Variants in DYNC2H1 observed in about 807,000 individuals in gnomAD.
The protein encoded by DYNC2H1 is cytoplasmic dynein 2 heavy chain 1.
DYNC2H1 carries 410 observed loss-of-function variants against 570.0 expected under a neutral mutation model. That is an observed-to-expected ratio of 0.72 (90% confidence interval 0.66 to 0.78). The LOEUF is 0.78. DYNC2H1 is among the 30% of genes least tolerant of loss of function. The pLI is 0.00. For missense variants in DYNC2H1, 4,865 were observed against 5,046.4 expected (o/e 0.96, Z 1.09); for synonymous variants, 1,688 against 1,677.6 (o/e 1.01, Z -0.15).
intron 84 of DYNC2H1, among the ~76,000 whole-genome samples, chr11:103,421,879 T>G (rs1808556055): frequency 1.4e-5 from 2 of 146,638 alleles, no homozygotes; most frequent in East Asian, 4.0e-4. Context: ...TTAAAAAGCC[T>G]TTAGAAAAAA....
intron 34 of DYNC2H1, among the ~76,000 whole-genome samples, chr11:103,171,994 CT>C (rs1420354513): frequency 1.3e-5 from 2 of 152,066 alleles, no homozygotes; most frequent in Non-Finnish European, 2.9e-5. Context: ...AAAACGTAAA[CT>C]TTTTTATATA....
chr11:103,234,254 T>C, intron 61 of DYNC2H1, 94 bp downstream of exon 61: 1 of 1,391,158 alleles, frequency 7.2e-7, no homozygotes, highest in Non-Finnish European at 9.6e-7. Context: ...GAAAGATCCA[T>C]TAATTTGCAC....
At chr11:103,429,260 CAAAAAAA>C (rs35977617) in intron 84 of DYNC2H1, among the ~76,000 whole-genome samples, 2 of 148,010 alleles carry the variant, frequency 1.4e-5, no homozygotes, top group African/African-American at 2.4e-5. Flanking sequence ...GACCCTGTCT[CAAAAAAA>C]AAACAAAAAC....
chr11:103,202,294 ATT>A (rs10635156), intron 50 of DYNC2H1, among the ~76,000 whole-genome samples: 2 of 132,716 alleles, frequency 1.5e-5, no homozygotes, highest in African/African-American at 2.7e-5. Context: ...AGAAACACAG[ATT>A]TTTTTTTTTT....
Position 103,129,135 on chromosome 11 carries a change from T to C in DYNC2H1, c.1953+130T>C, listed in dbSNP as rs1859140973. 1 of 671,252 alleles carries C rather than the reference T, an allele frequency of 1.5e-6. No individual in the cohort carries two copies. Among genetic ancestry groups the C allele is most frequent in the African/African-American group, 1.9e-5 (1 of 53,540 alleles). The allele number at this position is 671,252 out of a possible 1,614,324, so 41.6% of individuals were successfully genotyped here. A position where few individuals can be genotyped will look rare whatever the true frequency, so the allele number is the denominator to read the frequency against. ...TTTGTTTTGCTTCCAGGGACTTCCT[T>C]CAATCTTAGCAAGTAAAATTATTTT... is the stretch of plus-strand genomic sequence containing the variant. On this transcript the variant is annotated intron_variant, in intron 13 of 88. Coordinates refer to ENST00000375735, the MANE Select transcript of DYNC2H1 (RefSeq NM_001377.3). The surrounding 1 kb of genome is among the most constrained non-coding windows in gnomAD (Gnocchi z 4.1).
intron 82 of DYNC2H1, among the ~76,000 whole-genome samples, chr11:103,327,005 A>C (rs1285986570): frequency 6.6e-6 from 1 of 152,172 alleles, no homozygotes; most frequent in East Asian, 1.9e-4. Flanking sequence ...CTGAGCTAGG[A>C]TTCCATAGGT....
Position 103,125,212 on chromosome 11 carries a change from C to G in DYNC2H1, c.1774C>G (p.Leu592Val). The G allele has an allele frequency of 6.2e-7, 1 of 1,613,478 alleles. No homozygotes were observed. The highest frequency in any genetic ancestry group is 8.5e-7 in the Non-Finnish European group (1 of 1,179,696). The change falls in exon 12 of 89, where the codon CTT becomes GTT. Residue 592 changes from leucine to valine, a missense_variant. Around this residue, in one of 5 missense-constraint regions of DYNC2H1, gnomAD observed 1,936 missense variants for 1,962.1 expected, o/e 0.99. Transcript: ENST00000375735. Reference sequence around the variant, plus strand: ...GAGAGAAGTTCGTCAGCTCTCTGCACTTGGCTTTGTTATTCCTGCCAAAAT... The same window carrying G: ...GAGAGAAGTTCGTCAGCTCTCTGCAGTTGGCTTTGTTATTCCTGCCAAAAT... ...LLREVRQLSA[L>V]GFVIPAKIQQ... is the part of the protein sequence containing the mutation.
At chr11:103,265,138 A>T (rs375443777) in intron 70 of DYNC2H1, among the ~76,000 whole-genome samples, 6 of 152,154 alleles carry the variant, frequency 3.9e-5, no homozygotes, top group South Asian at 2.1e-4. Context: ...ACATGTTCTC[A>T]CACGTAGGTA....
intron 29 of DYNC2H1, among the ~76,000 whole-genome samples, chr11:103,161,334 T>C (rs929327745): frequency 1.2e-4 from 19 of 152,126 alleles, no homozygotes; most frequent in African/African-American, 4.3e-4. Flanking sequence ...AATAGCTATG[T>C]GACTTACAGT....
At chr11:103,215,627 C>G in intron 54 of DYNC2H1, 94 bp from the exon 55 acceptor site, 4 of 1,275,672 alleles carry the variant, frequency 3.1e-6, no homozygotes, top group Non-Finnish European at 2.1e-6. Flanking sequence ...ACACACTTAA[C>G]ATGTTTGCTT....
At chr11:103,211,610 G>T (rs1395514961) in intron 53 of DYNC2H1, among the ~76,000 whole-genome samples, 179 bp from the exon 54 acceptor site, 10 of 151,976 alleles carry the variant, frequency 6.6e-5, no homozygotes, top group Non-Finnish European at 1.3e-4. Context: ...AAGGAAGATG[G>T]GAGCTGTGAA....
chr11:103,152,498 T>C (rs988152540), intron 21 of DYNC2H1, among the ~76,000 whole-genome samples: 5 of 152,178 alleles, frequency 3.3e-5, no homozygotes, highest in Non-Finnish European at 5.9e-5. Context: ...GAAACCAATG[T>C]CTTTGAAATG....
Position 103,395,492 on chromosome 11 carries a change from T to C in DYNC2H1, c.12157-4171T>C, listed in dbSNP as rs1372949553. On this transcript the variant is annotated intron_variant, in intron 83 of 88. Transcript: ENST00000375735. The surrounding 1 kb of genome is among the most constrained non-coding windows in gnomAD (Gnocchi z 4.3). ...TATCATATATATATTTATGTATATG[T>C]ACACACACACACACACACACACACT... 6.7e-6 allele frequency among the ~76,000 whole-genome samples: 1 copy of C among 149,846 alleles called. No individual in the cohort carries two copies. Among genetic ancestry groups the C allele is most frequent in the African/African-American group, 2.5e-5 (1 of 40,704 alleles).
At chr11:103,122,655 C>G (rs1224065575) in intron 10 of DYNC2H1, among the ~76,000 whole-genome samples, 170 bp from the exon 11 acceptor site, 1 of 152,192 alleles carries the variant, frequency 6.6e-6, no homozygotes, top group African/African-American at 2.4e-5. Context: ...AATTCAGAAG[C>G]AAAGTAGGGG....
chr11:103,192,372 A>T (rs965340329), intron 47 of DYNC2H1, 108 bp downstream of exon 47: 2 of 795,154 alleles, frequency 2.5e-6, no homozygotes, highest in Non-Finnish European at 3.5e-6. Flanking sequence ...AACTTTGAAT[A>T]ATTTTAATAT....
At position 103,479,426 on chromosome 11, in the gene DYNC2H1, AAAGT is replaced by A. The variant is rs1345796760; in HGVS notation, c.*176_*179del. 1.8e-6 allele frequency: 1 copy of A among 560,374 alleles called. No homozygotes were observed. The highest frequency in any genetic ancestry group is 3.2e-5 in the East Asian group (1 of 30,850). 34.7% of individuals were successfully genotyped at this position (560,374 alleles called of 1,614,324 possible). On this transcript the variant is annotated 3_prime_UTR_variant, in exon 89 of 89. Transcript: ENST00000375735. The stretch of plus-strand genomic sequence containing the variant: ...GTAAAAGCAGCACTGTGCATCTTTT[AAAGT>A]AATAAATTAATGGAGTTATTGTTAA...
At chr11:103,111,940 G>A (rs1269656309) in intron 1 of DYNC2H1, among the ~76,000 whole-genome samples, 1 of 152,182 alleles carries the variant, frequency 6.6e-6, no homozygotes, top group Non-Finnish European at 1.5e-5. Context: ...AGTAACATTG[G>A]AATGGACAAA....
intron 85 of DYNC2H1, among the ~76,000 whole-genome samples, chr11:103,443,728 T>G (rs568647520): frequency 6.6e-6 from 1 of 151,990 alleles, no homozygotes; most frequent in African/African-American, 2.4e-5. Context: ...ATTTTTGATG[T>G]CTGCAGTTCT....
intron 9 of DYNC2H1, 88 bp from the exon 10 acceptor site, chr11:103,121,284 G>T: frequency 7.1e-7 from 1 of 1,403,506 alleles, no homozygotes; most frequent in South Asian, 1.5e-5. Context: ...TCTTTCTACA[G>T]CATCTGACAT....
Sources: allele counts gnomAD v4.1 joint callset (sites outside exome capture counted in the v4.1 genomes callset), GRCh38; gene constraint gnomAD v4.1.1; regional missense constraint gnomAD v4.1.1; non-coding constraint Gnocchi (gnomAD v3.1); transcripts MANE v1.5; gene names NCBI Gene and HGNC (gene_info 2026-07-23, HGNC 2026-07-21).